PCCA: variants seen among roughly 807,000 people sequenced by gnomAD.
PCCA encodes the protein propionyl-CoA carboxylase subunit alpha.
PCCA carries 74 observed loss-of-function variants against 101.3 expected under a neutral mutation model. That is an observed-to-expected ratio of 0.73 (90% CI 0.61 to 0.89). The LOEUF is 0.89. Among genes scored for constraint, PCCA ranks in the 40% least tolerant of loss-of-function variants. PCCA has a pLI of 0.00. For synonymous variants in PCCA, 294 were observed against 313.6 expected, an observed-to-expected ratio of 0.94 and a Z score of 0.66; for missense variants, 891 against 907.0, an observed-to-expected ratio of 0.98 and a Z score of 0.23.
chr13:100,410,445 G>A (rs1168831670), intron 19 of PCCA, among the ~76,000 whole-genome samples: 1 of 151,954 alleles, frequency 6.6e-6, no homozygotes. Flanking sequence ...GTTTCACTGT[G>A]TTGGCCAGGA....
At chr13:100,301,924 T>G (rs2066092234) in intron 13 of PCCA, among the ~76,000 whole-genome samples, 1 of 152,180 alleles carries the variant, frequency 6.6e-6, no homozygotes, top group African/African-American at 2.4e-5. Flanking sequence ...TCTTTGTTTA[T>G]TTTCAAACAA....
chr13:100,453,133 G>T (rs571519846), intron 21 of PCCA, among the ~76,000 whole-genome samples: 2 of 152,164 alleles, frequency 1.3e-5, no homozygotes, highest in East Asian at 3.9e-4. Flanking sequence ...ACAGCGAGCC[G>T]TGATCACACC....
intron 16 of PCCA, among the ~76,000 whole-genome samples, chr13:100,320,020 T>A (rs1282007274): frequency 1.3e-5 from 2 of 152,196 alleles, no homozygotes; most frequent in Admixed American, 1.3e-4. Context: ...GTTTTGTAGT[T>A]CTGTTTGAAG....
At chr13:100,451,447 G>A (rs1034853054) in intron 21 of PCCA, among the ~76,000 whole-genome samples, 13 of 151,692 alleles carry the variant, frequency 8.6e-5, no homozygotes, top group Admixed American at 6.5e-4. Context: ...GACCTCAGTC[G>A]CCTTAAGGGC....
chr13:100,377,516 A>G (rs1263304436), intron 19 of PCCA, among the ~76,000 whole-genome samples: 2 of 151,732 alleles, frequency 1.3e-5, no homozygotes, highest in African/African-American at 2.4e-5. Context: ...TTTTTTTGAG[A>G]CAGAGTCTCG....
intron 6 of PCCA, among the ~76,000 whole-genome samples, chr13:100,167,264 A>G (rs2055142943): frequency 6.6e-6 from 1 of 152,010 alleles, no homozygotes; most frequent in African/African-American, 2.4e-5. Flanking sequence ...TCTTAAAAAT[A>G]TGGGCCAGGT....
chr13:100,219,268 G>C (rs1002208177), intron 7 of PCCA, among the ~76,000 whole-genome samples: 1 of 151,972 alleles, frequency 6.6e-6, no homozygotes, highest in Non-Finnish European at 1.5e-5. Flanking sequence ...ATATTTTTTT[G>C]ATGAGGAATG....
intron 20 of PCCA, among the ~76,000 whole-genome samples, chr13:100,431,114 C>T (rs1277732856): frequency 6.6e-6 from 1 of 152,064 alleles, no homozygotes; most frequent in Non-Finnish European, 1.5e-5. Context: ...CTTGGCCTTC[C>T]CAGACTACTT....
intron 18 of PCCA, among the ~76,000 whole-genome samples, chr13:100,351,108 G>C (rs1390608572): frequency 6.6e-6 from 1 of 152,084 alleles, no homozygotes; most frequent in Non-Finnish European, 1.5e-5. Flanking sequence ...GTTTTATAGG[G>C]TAATGAAATC....
At chr13:100,269,246 T>C (rs2063146790) in intron 11 of PCCA, among the ~76,000 whole-genome samples, 1 of 152,228 alleles carries the variant, frequency 6.6e-6, no homozygotes, top group Admixed American at 6.5e-5. Context: ...AATTTGTTAC[T>C]TGATTTCCTC....
intron 16 of PCCA, among the ~76,000 whole-genome samples, chr13:100,316,705 A>C (rs1386104382): frequency 1.3e-5 from 2 of 152,192 alleles, no homozygotes; most frequent in African/African-American, 2.4e-5. Flanking sequence ...AAAAATTTAT[A>C]CCAGCAGTAG....
intron 1 of PCCA, among the ~76,000 whole-genome samples, chr13:100,091,640 A>G (rs1342608716): frequency 6.6e-6 from 1 of 152,020 alleles, no homozygotes; most frequent in Non-Finnish European, 1.5e-5. Context: ...CCACCTCTGC[A>G]AACCTTTTGG....
At chr13:100,157,901 G>T (rs1707472261) in intron 6 of PCCA, among the ~76,000 whole-genome samples, 1 of 152,160 alleles carries the variant, frequency 6.6e-6, no homozygotes, top group African/African-American at 2.4e-5. Flanking sequence ...TTTGTTATTA[G>T]ATCAATTATG....
At chr13:100,227,743 C>T (rs2060227228) in intron 7 of PCCA, among the ~76,000 whole-genome samples, 1 of 152,134 alleles carries the variant, frequency 6.6e-6, no homozygotes, top group African/African-American at 2.4e-5. Context: ...AAGAATGGAC[C>T]ACCAGGTAGT....
chr13:100,385,174 A>G (rs1008685872), intron 19 of PCCA, among the ~76,000 whole-genome samples: 1 of 152,222 alleles, frequency 6.6e-6, no homozygotes, highest in East Asian at 1.9e-4. Flanking sequence ...AAATTAAAAC[A>G]TAATGCATAA....
Position 100,400,630 on chromosome 13 carries a change from C to CTTTTTTTTTTTTTTTTT in PCCA, c.1747-25002_1747-24986dup, listed in dbSNP as rs1281449669. On this transcript the variant is annotated intron_variant, in intron 19 of 23. Coordinates refer to ENST00000376285, the MANE Select transcript of PCCA (RefSeq NM_000282.4). ...TGATTGATCTTAGTTCTTTTTAGTT[C>CTTTTTTTTTTTTTTTTT]TTTTTTTTTTTTTTTTTGAGAGTTT... Among the ~76,000 whole-genome samples, 43 of 90,948 alleles carry CTTTTTTTTTTTTTTTTT rather than the reference C, an allele frequency of 4.7e-4. 1 individual carries two copies. The highest frequency in any genetic ancestry group is 7.0e-4 in the African/African-American group (13 of 18,642). The allele number at this position is 90,948 out of a possible 152,430, so 59.7% of individuals were successfully genotyped here. A position where few individuals can be genotyped will look rare whatever the true frequency, so the allele number is the denominator to read the frequency against.
In PCCA at chr13:100,510,744, A is replaced by C. The variant is rs74114532; in HGVS notation, c.1900-4683A>C. Among the ~76,000 whole-genome samples, 839 of 152,328 alleles carry C rather than the reference A, an allele frequency of 5.5e-3. 6 individuals carry two copies. The highest frequency in any genetic ancestry group is 0.019 in the African/African-American group (788 of 41,586). ...ATGCTGTCATGTGGGTTGTAGGAGA[A>C]AGTCCTCCGAGTGCTGTTGGATTAA... On this transcript the variant is annotated intron_variant, in intron 21 of 23. Transcript: ENST00000376285.
At chr13:100,114,662 A>C (rs2152285553) in intron 4 of PCCA, among the ~76,000 whole-genome samples, 1 of 152,320 alleles carries the variant, frequency 6.6e-6, no homozygotes, top group South Asian at 2.1e-4. Flanking sequence ...TACAAATCAC[A>C]AACAGGTATA....
chr13:100,224,730 A>G (rs1008621543), intron 7 of PCCA, among the ~76,000 whole-genome samples: 1 of 152,232 alleles, frequency 6.6e-6, no homozygotes, highest in Non-Finnish European at 1.5e-5. Context: ...AGATTTTCCA[A>G]TGGAAATGAT....
Sources: allele counts gnomAD v4.1 joint callset (sites outside exome capture counted in the v4.1 genomes callset), GRCh38; gene constraint gnomAD v4.1.1; transcripts MANE v1.5; gene names NCBI Gene and HGNC (gene_info 2026-07-23, HGNC 2026-07-21).